The following TIAM1 variants were observed in gnomAD, a reference collection of about 807,000 sequenced individuals.
TIAM1 encodes the protein TIAM Rac1 associated GEF 1.
Under a neutral mutation model 163.5 loss-of-function variants are expected in TIAM1, and 65 were observed. That is an observed-to-expected ratio of 0.40 (90% CI 0.33 to 0.49). The LOEUF is 0.49. Ranked by LOEUF, TIAM1 falls within the 20% of genes least tolerant of loss-of-function variation. TIAM1 has a pLI of 0.77. For synonymous variants in TIAM1, 833 were observed against 810.1 expected (o/e 1.03, Z -0.48); for missense variants, 1,789 against 2,044.7 (o/e 0.87, Z 2.41).
intron 25 of TIAM1, among the ~76,000 whole-genome samples, chr21:31,128,556 T>C (rs2082295687): frequency 6.6e-6 from 1 of 152,230 alleles, no homozygotes; most frequent in Non-Finnish European, 1.5e-5. Context: ...AGATAATTCA[T>C]AACCTACGAT....
At chr21:31,428,603 C>A (rs1224616623) in intron 2 of TIAM1, among the ~76,000 whole-genome samples, 1 of 152,134 alleles carries the variant, frequency 6.6e-6, no homozygotes, top group Non-Finnish European at 1.5e-5. Context: ...AAAGGAGAGA[C>A]CTGGCACAGT....
rs760499932 is a variant in TIAM1 at position 31,195,321 on chromosome 21, G to A, written c.2494-16C>T. ...CTTTGTACAGCTGAAAGTTACAAAG[G>A]GGAATCTAATTAGAATTTCATTATA... is the stretch of plus-strand genomic sequence containing the variant. On this transcript the variant is annotated splice_polypyrimidine_tract_variant and intron_variant, in intron 12 of 27. Coordinates refer to ENST00000541036, the MANE Select transcript of TIAM1 (RefSeq NM_001353694.2). The A allele has an allele frequency of 6.4e-7, 1 of 1,568,766 alleles. No homozygotes were observed.
In TIAM1 at chr21:31,359,848, GGAAGGAAGGA is replaced by G. The variant is rs1405293045; in HGVS notation, c.-368-20436_-368-20427del. Among the ~76,000 whole-genome samples, 424 of 135,754 alleles carry G rather than the reference GGAAGGAAGGA, an allele frequency of 3.1e-3. 7 individuals carry two copies. The highest frequency in any genetic ancestry group is 0.022 in the Middle Eastern group (6 of 270). The allele number at this position is 135,754 out of a possible 152,430, so 89.1% of individuals were successfully genotyped here. The stretch of plus-strand genomic sequence containing the variant: ...AGGAAGGAAGGAAGGAAGGAAGGAA[GGAAGGAAGGA>G]AGGAAGGGAGGGAGGGAGGAAAGAC... On this transcript the variant is annotated intron_variant, in intron 2 of 28. Transcript: ENST00000286827.
At chr21:31,175,891 G>A (rs1263294297) in intron 15 of TIAM1, among the ~76,000 whole-genome samples, 3 of 152,178 alleles carry the variant, frequency 2.0e-5, no homozygotes, top group Non-Finnish European at 2.9e-5. Context: ...GAGCCACTGC[G>A]CCCGGCCTAT....
At chr21:31,197,514 T>G (rs944073594) in intron 12 of TIAM1, among the ~76,000 whole-genome samples, 2 of 149,586 alleles carry the variant, frequency 1.3e-5, no homozygotes, top group Non-Finnish European at 3.0e-5. Flanking sequence ...TAGCTGGGAC[T>G]ACAGGCGCCC....
At chr21:31,397,474 C>A (rs774263791) in intron 2 of TIAM1, among the ~76,000 whole-genome samples, 3 of 152,108 alleles carry the variant, frequency 2.0e-5, no homozygotes, top group Non-Finnish European at 4.4e-5. Flanking sequence ...AACCAATATA[C>A]AAAAATCTTG....
intron 25 of TIAM1, 143 bp downstream of exon 25, chr21:31,130,070 C>T (rs960566771): frequency 1.5e-5 from 9 of 615,728 alleles, no homozygotes; most frequent in Admixed American, 5.5e-5. Flanking sequence ...ATAGAGAGAC[C>T]GAGAGACAAG....
intron 2 of TIAM1, among the ~76,000 whole-genome samples, chr21:31,413,271 T>C (rs1313991892): frequency 4.5e-5 from 6 of 133,722 alleles, no homozygotes; most frequent in African/African-American, 1.4e-4. Flanking sequence ...TTTCTTTTTT[T>C]TTTTTTTTTT....
intron 1 of TIAM1, among the ~76,000 whole-genome samples, chr21:31,516,205 A>G (rs576094419): frequency 1.3e-5 from 2 of 152,162 alleles, no homozygotes; most frequent in East Asian, 3.9e-4. Context: ...TGAGGCCAGG[A>G]GTTAAAGACC....
At chr21:31,447,980 G>A (rs1315338081) in intron 2 of TIAM1, among the ~76,000 whole-genome samples, 1 of 152,178 alleles carries the variant, frequency 6.6e-6, no homozygotes, top group Non-Finnish European at 1.5e-5. Flanking sequence ...AAGAAAGTCA[G>A]GCAGGAGAAA....
intron 2 of TIAM1, among the ~76,000 whole-genome samples, chr21:31,383,700 T>C (rs1452628005): frequency 6.6e-6 from 1 of 152,200 alleles, no homozygotes; most frequent in Non-Finnish European, 1.5e-5. Context: ...TGTATCTCCA[T>C]ACCTTGTATC....
chr21:31,438,439 A>G (rs776418024), intron 2 of TIAM1, among the ~76,000 whole-genome samples: 1 of 151,644 alleles, frequency 6.6e-6, no homozygotes, highest in East Asian at 1.9e-4. Context: ...TGACCCACCC[A>G]CCTCAGTCTC....
chr21:31,537,670 C>T (rs113040976), intron 1 of TIAM1, among the ~76,000 whole-genome samples: 8 of 151,574 alleles, frequency 5.3e-5, no homozygotes, highest in African/African-American at 1.9e-4. Context: ...AAGAATTGCT[C>T]GAACCTGGAA....
At chr21:31,473,769 G>A (rs570784439) in intron 1 of TIAM1, among the ~76,000 whole-genome samples, 23 of 152,198 alleles carry the variant, frequency 1.5e-4, no homozygotes, top group Non-Finnish European at 2.5e-4. Context: ...TCCACTGTCC[G>A]TAACAAAGTC....
intron 2 of TIAM1, among the ~76,000 whole-genome samples, chr21:31,453,622 G>C (rs2044962757): frequency 1.3e-5 from 2 of 151,890 alleles, no homozygotes; most frequent in Non-Finnish European, 2.9e-5. Flanking sequence ...GAACCCAGGA[G>C]GCAGAGGTTG....
chr21:31,385,677 A>G (rs1036295536), intron 2 of TIAM1, among the ~76,000 whole-genome samples: 1 of 150,974 alleles, frequency 6.6e-6, no homozygotes, highest in African/African-American at 2.4e-5. Context: ...CAGTCTTGGC[A>G]TCAATTTGTG....
intron 1 of TIAM1, among the ~76,000 whole-genome samples, chr21:31,546,133 T>A (rs1338903565): frequency 6.6e-6 from 1 of 151,258 alleles, no homozygotes; most frequent in African/African-American, 2.4e-5. Flanking sequence ...CTAAAGAATA[T>A]TTATAATGGG....
intron 2 of TIAM1, among the ~76,000 whole-genome samples, chr21:31,320,336 G>A (rs149724184): frequency 6.6e-6 from 1 of 152,196 alleles, no homozygotes; most frequent in East Asian, 1.9e-4. Context: ...TGCTTGCTGG[G>A]TACATATTCT....
chr21:31,500,052 G>A (rs1352127070), intron 1 of TIAM1, among the ~76,000 whole-genome samples: 1 of 150,542 alleles, frequency 6.6e-6, no homozygotes, highest in Non-Finnish European at 1.5e-5. Context: ...TGTAATCCCA[G>A]CTACTCAGAG....
Sources: allele counts gnomAD v4.1 joint callset (sites outside exome capture counted in the v4.1 genomes callset), GRCh38; gene constraint gnomAD v4.1.1; transcripts MANE v1.5; gene names NCBI Gene and HGNC (gene_info 2026-07-23, HGNC 2026-07-21).